The following PNPLA5 variants were observed in gnomAD, a reference collection of about 807,000 sequenced individuals.
The protein encoded by PNPLA5 is patatin-like phospholipase domain-containing protein 5.
PNPLA5 carries 44 observed loss-of-function variants against 49.1 expected under a neutral mutation model. That is an observed-to-expected ratio of 0.90 (90% CI 0.70 to 1.15). PNPLA5 has a LOEUF of 1.15. PNPLA5 is among the 50% of genes most tolerant of loss of function. PNPLA5 has a pLI of 0.00. For synonymous variants in PNPLA5, 243 were observed against 244.4 expected (o/e 0.99, Z 0.06); for missense variants, 603 against 564.0 (o/e 1.07, Z -0.70).
chr22:43,891,689 G>A lies in PNPLA5; in HGVS notation c.192C>T (p.Val64=), dbSNP rs969958186. 5 of 1,545,164 alleles carry A rather than the reference G, an allele frequency of 3.2e-6. No individual in the cohort carries two copies. Among genetic ancestry groups the A allele is most frequent in the Non-Finnish European group, 4.4e-6 (5 of 1,145,452 alleles). The change falls in exon 1 of 9, where the codon GTC becomes GTT. Residue 64 remains valine (V), a splice_region_variant and synonymous_variant. Transcript: ENST00000216177. ...TCGCCCCCGCGGTCCGGGACTCACC[G>A]ACCGACTTGCCGCAGACGATGCTGA... The part of the protein sequence containing the change: ...NAVSIVCGKS[V]DFCCSHLLGM...
intron 6 of PNPLA5, among the ~76,000 whole-genome samples, chr22:43,884,629 C>G (rs749088184): frequency 2.0e-5 from 3 of 152,212 alleles, no homozygotes; most frequent in Non-Finnish European, 2.9e-5. Context: ...CCAGGATGGA[C>G]TTGAGGACTC....
chr22:43,891,224 C>A lies in PNPLA5; in HGVS notation c.264G>T (p.Pro88=). ...TGACGTGCTCGATGGGCGCGTAGGC[C>A]GGGTGCAGGATGCTTAGGCTCAGCC... The part of the protein sequence containing the change: ...LERLSLSILH[P]AYAPIEHVKQ... The change falls in exon 2 of 9, where the codon CCG becomes CCT. Residue 88 remains proline, a synonymous_variant. Coordinates refer to ENST00000216177, the MANE Select transcript of PNPLA5 (RefSeq NM_138814.4). The A allele has an allele frequency of 6.4e-7, 1 of 1,574,336 alleles. No individual in the cohort carries two copies. The highest frequency in any genetic ancestry group is 1.2e-5 in the South Asian group (1 of 85,640).
chr22:43,891,445 G>A (rs1298613368), intron 1 of PNPLA5, 151 bp from the exon 2 acceptor site: 4 of 1,398,040 alleles, frequency 2.9e-6, no homozygotes, highest in Admixed American at 3.2e-5. Flanking sequence ...CAAATGATCC[G>A]TTCACCTTTT....
intron 6 of PNPLA5, 68 bp from the exon 7 acceptor site, chr22:43,884,413 AT>A: frequency 6.9e-7 from 1 of 1,454,764 alleles, no homozygotes; most frequent in Non-Finnish European, 9.1e-7. Context: ...GAGCCCCCCC[AT>A]TTCACACAGT....
rs1365535735 is a variant in PNPLA5 at position 43,886,432 on chromosome 22, C to T, written c.820G>A (p.Ala274Thr). ...TLVSKEPPAP[A>T]DGNWDAGCDQ... ...CAGCCAGCATCCCAGTTTCCGTCAGCCGGGGCTGGGGGTTCCTTAGACACC... is the reference window on the plus strand; with the variant it reads ...CAGCCAGCATCCCAGTTTCCGTCAGTCGGGGCTGGGGGTTCCTTAGACACC... Residue 274 changes from alanine to threonine, a missense_variant, in exon 6 of 9, where the codon GCT becomes ACT. Coordinates refer to ENST00000216177, the MANE Select transcript of PNPLA5 (RefSeq NM_138814.4). The T allele has an allele frequency of 3.7e-6, 6 of 1,614,012 alleles. No individual in the cohort carries two copies. Among genetic ancestry groups the T allele is most frequent in the African/African-American group, 1.3e-5 (1 of 74,912 alleles).
Position 43,886,480 on chromosome 22 carries a change from T to G in PNPLA5, c.772A>C (p.Lys258Gln), listed in dbSNP as rs1273162243. 3.1e-6 allele frequency: 5 copies of G among 1,612,476 alleles called. No homozygotes were observed. The African/African-American group carries it at 6.7e-5, about 22-fold the overall frequency. ...ACCAGCGTCCATAGCACTGGTTCCTTGGTGAGTCCTGGGTCAGGGGAAGGG... is the reference window on the plus strand; with the variant it reads ...ACCAGCGTCCATAGCACTGGTTCCTGGGTGAGTCCTGGGTCAGGGGAAGGG... The part of the protein sequence containing the change: ...LRFLERRGLT[K>Q]EPVLWTLVSK... The change falls in exon 6 of 9, where the codon AAG becomes CAG. Residue 258 changes from lysine to glutamine, a missense_variant. Physicochemically the swap from Lys to Gln is moderately conservative, Grantham distance 53 (BLOSUM62 1). Coordinates refer to ENST00000216177, the MANE Select transcript of PNPLA5 (RefSeq NM_138814.4).
At chr22:43,881,118 G>T (rs2049605562) in intron 8 of PNPLA5, 1 of 554,344 alleles carries the variant, frequency 1.8e-6, no homozygotes, top group Admixed American at 6.4e-5. Flanking sequence ...TAACTGTCGA[G>T]TGGGTGGGGG....
chr22:43,884,217 T>C lies in PNPLA5; in HGVS notation c.1078A>G (p.Arg360Gly). Residue 360 changes from arginine to glycine, a missense_variant, in exon 7 of 9, where the codon AGA (arginine) becomes GGA (glycine). Transcript: ENST00000216177. ...GGCCCCCTGGCCGAGCCTTACCTTC[T>C]GCTGCGGAAGTAGATGTACTCGAAG... ...LPFEYIYFRSRRLVVWLPDVP... is the reference protein window; with the variant it reads ...LPFEYIYFRSGRLVVWLPDVP... 1.3e-6 allele frequency: 2 copies of C among 1,550,642 alleles called. No individual in the cohort carries two copies. The highest frequency in any genetic ancestry group is 1.4e-5 in the African/African-American group (1 of 71,996).
intron 8 of PNPLA5, among the ~76,000 whole-genome samples, 199 bp downstream of exon 8, chr22:43,881,359 T>TA (rs1362057690): frequency 2.3e-4 from 35 of 152,266 alleles, no homozygotes; most frequent in African/African-American, 8.2e-4. Flanking sequence ...GTGACTGTCA[T>TA]AGAGCGTCTA....
At position 43,889,411 on chromosome 22, in the gene PNPLA5, A is replaced by G. The variant is rs747569151; in HGVS notation, c.620T>C (p.Leu207Pro). The G allele has an allele frequency of 1.2e-6, 2 of 1,614,136 alleles. No homozygotes were observed. The highest frequency in any genetic ancestry group is 4.5e-5 in the East Asian group (2 of 44,880). ...TTGGAAGCTGAAGTTGAAGACGTTC[A>G]GCTCATGCAGGTTGGGGGAGGTGCT... Reference protein sequence around the residue: ...PQSTSPNLHELNVFNFSFQIS... With the variant: ...PQSTSPNLHEPNVFNFSFQIS... Residue 207 changes from leucine to proline, a missense_variant, in exon 4 of 9, where the codon CTG becomes CCG. Transcript: ENST00000216177.
intron 4 of PNPLA5, 120 bp downstream of exon 4, chr22:43,889,209 A>C: frequency 9.0e-7 from 1 of 1,108,474 alleles, no homozygotes; most frequent in South Asian, 1.5e-5. Context: ...GAGACTCGGG[A>C]CATGTGTTGT....
At chr22:43,887,887 G>A in intron 4 of PNPLA5, 1 of 529,268 alleles carries the variant, frequency 1.9e-6, no homozygotes, top group Non-Finnish European at 2.4e-6. Context: ...GTCCCTGCAG[G>A]ACCATTGCAT....
chr22:43,888,700 G>A (rs190399653), intron 4 of PNPLA5, among the ~76,000 whole-genome samples: 95 of 152,218 alleles, frequency 6.2e-4, no homozygotes, highest in African/African-American at 2.3e-3. Flanking sequence ...CTCCCAAAGT[G>A]CTGGGATTAT....
chr22:43,886,605 C>T (rs1460857505), intron 5 of PNPLA5, 117 bp from the exon 6 acceptor site: 135 of 1,462,796 alleles, frequency 9.2e-5, no homozygotes, highest in East Asian at 4.8e-5. Flanking sequence ...TGCTGTGGGA[C>T]GGACCCACAG....
At chr22:43,886,847 A>T (rs2049670229) in intron 5 of PNPLA5, among the ~76,000 whole-genome samples, 1 of 152,220 alleles carries the variant, frequency 6.6e-6, no homozygotes, top group Admixed American at 6.5e-5. Context: ...ATTAAACAAG[A>T]TAAATACATA....
chr22:43,886,249 G>T (rs767423498), intron 6 of PNPLA5, 54 bp downstream of exon 6: 6 of 1,545,712 alleles, frequency 3.9e-6, no homozygotes, highest in East Asian at 2.3e-5. Context: ...CCCTGAGCCC[G>T]GGCCCCTGAG....
At chr22:43,891,464 G>A in intron 1 of PNPLA5, 170 bp from the exon 2 acceptor site, 6 of 955,444 alleles carry the variant, frequency 6.3e-6, no homozygotes, top group Non-Finnish European at 7.5e-6. Flanking sequence ...TTCACTTTTT[G>A]CCCCGCCGAC....
Position 43,880,423 on chromosome 22 carries a change from G to T in PNPLA5, c.*372C>A, listed in dbSNP as rs1569506719. The stretch of plus-strand genomic sequence containing the variant: ...TTGGCTCCTCTGGTCTCTGACGCGG[G>T]CATCAGGCACTTTCTCAATCTTCTG... On this transcript the variant is annotated 3_prime_UTR_variant, in exon 9 of 9. Coordinates refer to ENST00000216177, the MANE Select transcript of PNPLA5 (RefSeq NM_138814.4). 1.0e-5 allele frequency: 4 copies of T among 398,768 alleles called. No individual in the cohort carries two copies. The highest frequency in any genetic ancestry group is 1.8e-5 in the Non-Finnish European group (4 of 226,176). 24.7% of individuals were successfully genotyped at this position (398,768 alleles called of 1,614,324 possible). A position where few individuals can be genotyped will look rare whatever the true frequency, so the allele number is the denominator to read the frequency against.
intron 8 of PNPLA5, among the ~76,000 whole-genome samples, 180 bp downstream of exon 8, chr22:43,881,378 C>T (rs1412603028): frequency 1.3e-5 from 2 of 152,192 alleles, no homozygotes; most frequent in Non-Finnish European, 2.9e-5. Context: ...TAGCACAGGT[C>T]GGGCGCACAG....
Sources: allele counts gnomAD v4.1 joint callset (sites outside exome capture counted in the v4.1 genomes callset), GRCh38; gene constraint gnomAD v4.1.1; transcripts MANE v1.5; gene names NCBI Gene and HGNC (gene_info 2026-07-23, HGNC 2026-07-21).